Variants in COL6A1 observed in about 807,000 individuals in gnomAD.
COL6A1 encodes the protein collagen alpha-1(VI) chain.
Under a neutral mutation model 145.6 loss-of-function variants are expected in COL6A1, and 80 were observed. The ratio of observed to expected loss-of-function variants is 0.55; its 90% CI spans 0.46 to 0.66. The LOEUF is 0.66. Ranked by LOEUF, COL6A1 falls within the 30% of genes least tolerant of loss-of-function variation. The pLI, the probability that COL6A1 is intolerant of heterozygous loss-of-function variation, is 0.00. For synonymous variants in COL6A1, 638 were observed against 622.8 expected (o/e 1.02, Z -0.36); for missense variants, 1,364 against 1,473.8 (o/e 0.93, Z 1.22).
rs77777483 is a variant in COL6A1, at chr21:45,994,107, C to T, written c.1336-60C>T. The T allele has an allele frequency of 1.5e-4, 231 of 1,530,912 alleles. 2 individuals carry two copies. The East Asian group carries it at 5.3e-3, about 35-fold the overall frequency. 94.8% of individuals were successfully genotyped at this position (1,530,912 alleles called of 1,614,324 possible). On this transcript the variant is annotated intron_variant, in intron 19 of 34. Coordinates refer to ENST00000361866, the MANE Select transcript of COL6A1 (RefSeq NM_001848.3). The surrounding 1 kb of genome is among the most constrained non-coding windows in gnomAD (Gnocchi z 6.8). ...AGCATGCTGTGGCTCCCAGCGTGCC[C>T]GGGCAGCCATCCTCCCCAAGGATGG...
At chr21:45,999,791 A>ACC in intron 27 of COL6A1, 99 bp downstream of exon 27, 1 of 689,438 alleles carries the variant, frequency 1.5e-6, no homozygotes, top group Non-Finnish European at 2.2e-6. Context: ...GACGCTGCTC[A>ACC]CGGGGGGGTG....
intron 19 of COL6A1, among the ~76,000 whole-genome samples, chr21:45,993,120 T>C (rs1484613307): frequency 1.3e-5 from 2 of 152,210 alleles, no homozygotes; most frequent in African/African-American, 4.8e-5. Flanking sequence ...TTAGTTAAAA[T>C]TCCCAGCGTG....
At chr21:45,999,792 C>CCGG in intron 27 of COL6A1, 100 bp downstream of exon 27, 2 of 831,590 alleles carry the variant, frequency 2.4e-6, no homozygotes, top group Non-Finnish European at 3.7e-6. Context: ...ACGCTGCTCA[C>CCGG]GGGGGGGTGG....
chr21:45,989,926 T>C, intron 11 of COL6A1, 148 bp downstream of exon 11: 1 of 1,130,586 alleles, frequency 8.8e-7, no homozygotes, highest in South Asian at 1.3e-5. Context: ...GTCCCCTCCA[T>C]CTGGAAGGAC....
rs374322081 is a variant in COL6A1, at chr21:45,990,239, C to A, written c.931-19C>A. On this transcript the variant is annotated intron_variant, in intron 11 of 34. Coordinates refer to ENST00000361866, the MANE Select transcript of COL6A1 (RefSeq NM_001848.3). ...CCCCACCCCAAATACCCCCTCACAC[C>A]CGCTTCCTGTCTCCGCAGGGCTCCA... 6.8e-6 allele frequency: 11 copies of A among 1,612,708 alleles called. No homozygotes were observed. Among genetic ancestry groups the A allele is most frequent in the African/African-American group, 6.7e-5 (5 of 74,902 alleles).
chr21:45,982,227 C>T (rs1377080234), intron 1 of COL6A1, among the ~76,000 whole-genome samples: 1 of 152,118 alleles, frequency 6.6e-6, no homozygotes, highest in Non-Finnish European at 1.5e-5. Context: ...GGGGCTGTCT[C>T]GGCGCCCCGT....
chr21:45,984,855 CAG>C (rs2077729020), intron 3 of COL6A1, among the ~76,000 whole-genome samples: 1 of 146,358 alleles, frequency 6.8e-6, no homozygotes, highest in South Asian at 2.2e-4. Context: ...CAGAGAGAGA[CAG>C]AGACAGAAAC....
rs376327142 is a variant in COL6A1, at chr21:45,992,222, G to T, written c.1236+5G>T. ...AAAGGAGAGGCGGGCGACGAGGTGA[G>T]TGAGGGCTCCTGACACCTTCCTGGG... On this transcript the variant is annotated splice_donor_5th_base_variant and intron_variant, in intron 17 of 34. Coordinates refer to ENST00000361866, the MANE Select transcript of COL6A1 (RefSeq NM_001848.3). 1 of 1,613,606 alleles carries T rather than the reference G, an allele frequency of 6.2e-7. No individual in the cohort carries two copies. Among genetic ancestry groups the T allele is most frequent in the South Asian group, 1.1e-5 (1 of 91,082 alleles).
rs1319481573 is a variant in COL6A1 at position 46,002,357 on chromosome 21, A to G, written c.2206A>G (p.Arg736Gly). Reference sequence around the variant, plus strand: ...CACTGACGGGCGCTCAGACACTCAGAGGGACACCACACCGCTCAACGTGCT... The same window carrying G: ...CACTGACGGGCGCTCAGACACTCAGGGGGACACCACACCGCTCAACGTGCT... ...VITDGRSDTQ[R>G]DTTPLNVLCS... The change falls in exon 32 of 35, where the codon AGG (arginine) becomes GGG (glycine). Residue 736 changes from arginine (R) to glycine (G), a missense_variant. Coordinates refer to ENST00000361866, the MANE Select transcript of COL6A1 (RefSeq NM_001848.3). 6.3e-7 allele frequency: 1 copy of G among 1,593,598 alleles called. No individual in the cohort carries two copies. The highest frequency in any genetic ancestry group is 1.8e-5 in the Admixed American group (1 of 56,494).
At chr21:45,995,499 A>G (rs908640943) in intron 20 of COL6A1, among the ~76,000 whole-genome samples, 1 of 152,232 alleles carries the variant, frequency 6.6e-6, no homozygotes, top group Admixed American at 6.5e-5. Flanking sequence ...CTCAGTGGGA[A>G]TGAGCGTTCA....
At chr21:45,985,785 C>T (rs893554677) in intron 3 of COL6A1, among the ~76,000 whole-genome samples, 6 of 152,216 alleles carry the variant, frequency 3.9e-5, no homozygotes, top group Non-Finnish European at 5.9e-5. Context: ...CGGTGTGGGC[C>T]GGACATTCCC....
intron 20 of COL6A1, among the ~76,000 whole-genome samples, chr21:45,995,582 A>G (rs1245282929): frequency 6.6e-6 from 1 of 152,250 alleles, no homozygotes; most frequent in Non-Finnish European, 1.5e-5. Context: ...AAAGTAATCA[A>G]TAGCCACTAT....
In COL6A1 at chr21:46,002,314, C is replaced by T. The variant is rs2077851507; in HGVS notation, c.2163C>T (p.Asn721=). The change falls in exon 32 of 35, where the codon AAC becomes AAT. Residue 721 remains asparagine (N), a synonymous_variant. Transcript: ENST00000361866. ...RDQLLPPSPN[N]RIALVITDGR... Reference sequence around the variant, plus strand: ...AGCTGCTGCCGCCCAGCCCGAACAACCGCATCGCCCTGGTCATCACTGACG... The same window carrying T: ...AGCTGCTGCCGCCCAGCCCGAACAATCGCATCGCCCTGGTCATCACTGACG... 1 of 1,593,096 alleles carries T rather than the reference C, an allele frequency of 6.3e-7. No homozygotes were observed. Among genetic ancestry groups the T allele is most frequent in the Non-Finnish European group, 8.5e-7 (1 of 1,171,568 alleles).
At chr21:45,996,815 C>A (rs1281283892) in intron 20 of COL6A1, among the ~76,000 whole-genome samples, 1 of 152,150 alleles carries the variant, frequency 6.6e-6, no homozygotes, top group Non-Finnish European at 1.5e-5. Flanking sequence ...TGGAAATAGA[C>A]CCCCACAGGG....
At position 46,004,936 on chromosome 21, in the gene COL6A1, G is replaced by A. The variant is rs115463773; in HGVS notation, c.*923G>A. 759 of 154,532 alleles carry A rather than the reference G, an allele frequency of 4.9e-3. 3 individuals are homozygous for A. Among genetic ancestry groups the A allele is most frequent in the African/African-American group, 0.017 (726 of 41,582 alleles). The allele number at this position is 154,532 out of a possible 1,614,324, so 9.6% of individuals were successfully genotyped here. On this transcript the variant is annotated 3_prime_UTR_variant, in exon 35 of 35. Transcript: ENST00000361866. ...CCTTCCTCAGAATAGTGATGTGTTC[G>A]ACGTTTTATCAAAGGCCCCCTTTCT...
Position 46,003,693 on chromosome 21 carries a change from G to T in COL6A1, c.2767G>T (p.Val923Leu). Reference sequence around the variant, plus strand: ...CGACGTCAACGATGCCCTGGGCTATGTGACCCGCTTCTACCGCGAGGCCTC... The same window carrying T: ...CGACGTCAACGATGCCCTGGGCTATTTGACCCGCTTCTACCGCGAGGCCTC... ...ATDVNDALGY[V>L]TRFYREASSG... The change falls in exon 35 of 35, where the codon GTG (valine) becomes TTG (leucine). Residue 923 changes from valine (V) to leucine (L), a missense_variant. Transcript: ENST00000361866. 1 of 1,613,106 alleles carries T rather than the reference G, an allele frequency of 6.2e-7. No homozygotes were observed. The highest frequency in any genetic ancestry group is 8.5e-7 in the Non-Finnish European group (1 of 1,179,952).
At position 46,003,454 on chromosome 21, in the gene COL6A1, A is replaced by G; in HGVS notation, c.2528A>G (p.His843Arg). 1.2e-6 allele frequency: 2 copies of G among 1,606,740 alleles called. No homozygotes were observed. Among genetic ancestry groups the G allele is most frequent in the South Asian group, 1.1e-5 (1 of 91,056 alleles). ...GACGGCTCCGCCAGCGTGGGCAGCC[A>G]CAACTTTGACACCACCAAGCGCTTC... ...LLDGSASVGS[H>R]NFDTTKRFAK... The change falls in exon 35 of 35, where the codon CAC (histidine) becomes CGC (arginine). Residue 843 changes from histidine to arginine, a missense_variant. Coordinates refer to ENST00000361866, the MANE Select transcript of COL6A1 (RefSeq NM_001848.3).
At chr21:45,986,453 C>T (rs996707205) in intron 3 of COL6A1, 73 bp from the exon 4 acceptor site, 32 of 1,484,014 alleles carry the variant, frequency 2.2e-5, no homozygotes, top group Non-Finnish European at 2.7e-5. Context: ...ACCAGCACCT[C>T]CCGGACAGGC....
At chr21:46,002,499 G>A (rs374690337) in intron 32 of COL6A1, 28 bp from the exon 33 acceptor site, 25 of 1,613,602 alleles carry the variant, frequency 1.5e-5, no homozygotes, top group African/African-American at 5.3e-5. Context: ...AGCAGGCTGC[G>A]CCACACCGAT....
Sources: allele counts gnomAD v4.1 joint callset (sites outside exome capture counted in the v4.1 genomes callset), GRCh38; gene constraint gnomAD v4.1.1; non-coding constraint Gnocchi (gnomAD v3.1); transcripts MANE v1.5; gene names NCBI Gene and HGNC (gene_info 2026-07-23, HGNC 2026-07-21).